Variants in RRBP1 observed in about 807,000 individuals in gnomAD.
The protein encoded by RRBP1 is ribosome-binding protein 1.
In RRBP1, 94 loss-of-function variants were observed where a neutral mutation model predicts 165.2. That is an observed-to-expected ratio of 0.57 (90% CI 0.48 to 0.68). The LOEUF (loss-of-function observed/expected upper bound fraction) is 0.68, where lower values mean the gene tolerates loss of function less well. Among genes scored for constraint, RRBP1 ranks in the 30% least tolerant of loss-of-function variants. The pLI, the probability that RRBP1 is intolerant of heterozygous loss-of-function variation, is 0.00. For missense variants in RRBP1, 1,676 were observed against 1,763.0 expected (o/e 0.95, Z 0.88); for synonymous variants, 680 against 714.5 (o/e 0.95, Z 0.77).
chr20:17,625,137 G>T (rs1056564769), intron 12 of RRBP1, among the ~76,000 whole-genome samples: 5 of 152,104 alleles, frequency 3.3e-5, no homozygotes, highest in African/African-American at 1.2e-4. Context: ...GGGTGTGGCC[G>T]AGGCCACACC....
chr20:17,663,167 A>G (rs1421146889), intron 2 of RRBP1, among the ~76,000 whole-genome samples: 1 of 152,134 alleles, frequency 6.6e-6, no homozygotes, highest in Non-Finnish European at 1.5e-5. Context: ...CGCGATTGGC[A>G]CTGGTTGCAG....
In RRBP1 at chr20:17,621,581, A is replaced by G. The variant is rs1372760710; in HGVS notation, c.3325-34T>C. 3.8e-6 allele frequency: 6 copies of G among 1,597,138 alleles called. No individual in the cohort carries two copies. In the South Asian group the frequency reaches 6.6e-5, roughly 18 times the overall value. On this transcript the variant is annotated intron_variant, in intron 15 of 24. Transcript: ENST00000377813. ...GGGAAGAACAGGTGTTTAGTTAGCC[A>G]CACACAAAGGTTCTTCTCTTGGCTT...
intron 5 of RRBP1, among the ~76,000 whole-genome samples, chr20:17,637,594 G>A (rs1277986139): frequency 1.3e-5 from 2 of 152,320 alleles, no homozygotes; most frequent in East Asian, 1.9e-4. Context: ...CAGTGGGCCA[G>A]GAGTGAGGAA....
intron 3 of RRBP1, among the ~76,000 whole-genome samples, chr20:17,650,629 A>C (rs2036538377): frequency 6.6e-6 from 1 of 152,358 alleles, no homozygotes; most frequent in Non-Finnish European, 1.5e-5. Context: ...TCCAACCAGC[A>C]GCAACAATGA....
chr20:17,616,239 G>T (rs2035797526), intron 21 of RRBP1, among the ~76,000 whole-genome samples: 1 of 152,094 alleles, frequency 6.6e-6, no homozygotes, highest in Non-Finnish European at 1.5e-5. Context: ...AGACTCACAG[G>T]ACAAGAACGA....
intron 1 of RRBP1, among the ~76,000 whole-genome samples, chr20:17,681,083 C>A (rs1194940141): frequency 1.3e-5 from 2 of 151,752 alleles, no homozygotes; most frequent in African/African-American, 4.8e-5. Context: ...CAGGGCGCAG[C>A]GGGAGAGCCG....
intron 11 of RRBP1, among the ~76,000 whole-genome samples, chr20:17,626,068 AT>A (rs1198414923): frequency 2.0e-5 from 3 of 152,210 alleles, no homozygotes; most frequent in African/African-American, 7.2e-5. Context: ...CACTGCCCGA[AT>A]TCTAGAATAT....
In RRBP1 at chr20:17,658,744, T is replaced by G; in HGVS notation, c.1764A>C (p.Lys588Asn). The part of the protein sequence containing the change: ...KKAEGSPNQG[K>N]KADAAANQGK... ...CCTGATTGGCAGCTGCGTCTGCCTT[T>G]TTGCCTTGGTTGGGGGACCCTTCTG... The change falls in exon 3 of 25, where the codon AAA becomes AAC. Residue 588 changes from lysine to asparagine, a missense_variant. Physicochemically the swap from Lys to Asn is moderately conservative, Grantham distance 94. Coordinates refer to ENST00000377813, the MANE Select transcript of RRBP1 (RefSeq NM_001365613.2). The G allele has an allele frequency of 2.5e-6, 4 of 1,612,846 alleles. No individual in the cohort carries two copies. The highest frequency in any genetic ancestry group is 3.4e-6 in the Non-Finnish European group (4 of 1,178,794).
intron 2 of RRBP1, among the ~76,000 whole-genome samples, chr20:17,666,323 T>C (rs1159646725): frequency 1.3e-4 from 19 of 150,606 alleles, no homozygotes; most frequent in Admixed American, 1.3e-3. Flanking sequence ...CTGAGCATCA[T>C]AGCAAGACCC....
rs563540714 is a variant in RRBP1 at position 17,635,510 on chromosome 20, C to T, written c.2456+36G>A. On this transcript the variant is annotated intron_variant, in intron 7 of 24. Transcript: ENST00000377813. Reference sequence around the variant, plus strand: ...GTGAAGCCTTCCTCGCTCCAGGGCCCTTGGGGAGGTGCTGAGGCAGGAAAG... The same window carrying T: ...GTGAAGCCTTCCTCGCTCCAGGGCCTTTGGGGAGGTGCTGAGGCAGGAAAG... 12 of 1,511,776 alleles carry T rather than the reference C, an allele frequency of 7.9e-6. No homozygotes were observed. The African/African-American group carries it at 1.1e-4, about 14-fold the overall frequency. The allele number at this position is 1,511,776 out of a possible 1,614,324, so 93.6% of individuals were successfully genotyped here. A position where few individuals can be genotyped will look rare whatever the true frequency, so the allele number is the denominator to read the frequency against.
intron 2 of RRBP1, among the ~76,000 whole-genome samples, chr20:17,677,088 C>T (rs1266934525): frequency 3.3e-5 from 5 of 151,412 alleles, no homozygotes; most frequent in Non-Finnish European, 7.4e-5. Context: ...AAAAAAATTC[C>T]ACTTTTAAAA....
intron 2 of RRBP1, among the ~76,000 whole-genome samples, chr20:17,661,539 C>A (rs565741258): frequency 6.6e-6 from 1 of 152,350 alleles, no homozygotes; most frequent in Non-Finnish European, 1.5e-5. Flanking sequence ...CATACACCTT[C>A]CTGCCACAGC....
In RRBP1 at chr20:17,646,486, T is replaced by C. The variant is rs563773943; in HGVS notation, c.1913-3359A>G. Reference sequence around the variant, plus strand: ...CTTCCCACCTTTGTCCTTGGACAAGTGGCTTAACCTTCCTTTGCTTCTGTT... The same window carrying C: ...CTTCCCACCTTTGTCCTTGGACAAGCGGCTTAACCTTCCTTTGCTTCTGTT... On this transcript the variant is annotated intron_variant, in intron 3 of 24. Transcript: ENST00000377813. 3.3e-5 allele frequency among the ~76,000 whole-genome samples: 5 copies of C among 152,298 alleles called. 1 individual carries two copies. The highest frequency in any genetic ancestry group is 4.1e-4 in the South Asian group (2 of 4,826).
rs1323585795 is a variant in RRBP1, at chr20:17,659,899, C to T, written c.609G>A (p.Glu203=). Reference sequence around the variant, plus strand: ...CCTTTTTGCTTTGATTCTGAGTCCCCTCCGCCTTTTTGCCCTGAGTAGTGC... The same window carrying T: ...CCTTTTTGCTTTGATTCTGAGTCCCTTCCGCCTTTTTGCCCTGAGTAGTGC... The part of the protein sequence containing the change: ...ATGTTQGKKA[E]GTQNQSKKAE... Residue 203 remains glutamate, a synonymous_variant, in exon 3 of 25, where the codon GAG becomes GAA. Coordinates refer to ENST00000377813, the MANE Select transcript of RRBP1 (RefSeq NM_001365613.2). 1.3e-5 allele frequency: 21 copies of T among 1,556,380 alleles called. No homozygotes were observed. The highest frequency in any genetic ancestry group is 1.7e-5 in the Non-Finnish European group (19 of 1,149,122).
At chr20:17,641,222 T>C (rs1229882028) in intron 5 of RRBP1, among the ~76,000 whole-genome samples, 1 of 152,208 alleles carries the variant, frequency 6.6e-6, no homozygotes, top group African/African-American at 2.4e-5. Context: ...AGCCCCGTCC[T>C]ATGGCAGCAC....
rs768387076 is a variant in RRBP1 at position 17,641,830 on chromosome 20, A to T, written c.2151T>A (p.Ala717=). ...KLLATEQEDA[A]VAKSKLRELN... Reference sequence around the variant, plus strand: ...GCTCCCTCAGTTTGCTCTTGGCGACAGCCGCATCTTCCTGTTCTGTGGCCA... The same window carrying T: ...GCTCCCTCAGTTTGCTCTTGGCGACTGCCGCATCTTCCTGTTCTGTGGCCA... The change falls in exon 5 of 25, where the codon GCT becomes GCA. Residue 717 remains alanine (A), a synonymous_variant. Coordinates refer to ENST00000377813, the MANE Select transcript of RRBP1 (RefSeq NM_001365613.2). 2 of 1,613,762 alleles carry T rather than the reference A, an allele frequency of 1.2e-6. No individual in the cohort carries two copies. Among genetic ancestry groups the T allele is most frequent in the East Asian group, 4.5e-5 (2 of 44,884 alleles).
rs1309839664 is a variant in RRBP1, at chr20:17,643,602, C to CA, written c.1913-476dup. Among the ~76,000 whole-genome samples the CA allele has an allele frequency of 1.3e-5, 2 of 152,138 alleles. No homozygotes were observed. Among genetic ancestry groups the CA allele is most frequent in the African/African-American group, 4.8e-5 (2 of 41,424 alleles). On this transcript the variant is annotated intron_variant, in intron 3 of 24. Coordinates refer to ENST00000377813, the MANE Select transcript of RRBP1 (RefSeq NM_001365613.2). This position sits in a 1 kb window ranked among gnomAD's most constrained non-coding sequence, Gnocchi z 4.3. Reference sequence around the variant, plus strand: ...CAGCGAATTTACCGTCCACCACACACAGACACCCAGAGCCACACTCCTGCA... The same window carrying CA: ...CAGCGAATTTACCGTCCACCACACACAAGACACCCAGAGCCACACTCCTGCA...
intron 16 of RRBP1, 45 bp from the exon 17 acceptor site, chr20:17,620,852 C>A (rs1251679100): frequency 1.4e-6 from 2 of 1,407,880 alleles, no homozygotes; most frequent in East Asian, 2.3e-5. Context: ...CCTCCCGAGA[C>A]CCGCACCACA....
rs1433987440 is a variant in RRBP1 at position 17,621,504 on chromosome 20, G to A, written c.3368C>T (p.Thr1123Ile). The A allele has an allele frequency of 1.9e-6, 3 of 1,612,928 alleles. No homozygotes were observed. Among genetic ancestry groups the A allele is most frequent in the Non-Finnish European group, 2.5e-6 (3 of 1,179,978 alleles). The stretch of plus-strand genomic sequence containing the variant: ...GTACTGGTCACACTCGGCCTGCAGT[G>A]TGCTCTGCGTCTCCTCGGCCTCCCT... ...KLREAEETQS[T>I]LQAECDQYRS... Residue 1123 changes from threonine (T) to isoleucine (I), a missense_variant, in exon 16 of 25, where the codon ACA becomes ATA. Coordinates refer to ENST00000377813, the MANE Select transcript of RRBP1 (RefSeq NM_001365613.2).
Sources: allele counts gnomAD v4.1 joint callset (sites outside exome capture counted in the v4.1 genomes callset), GRCh38; gene constraint gnomAD v4.1.1; non-coding constraint Gnocchi (gnomAD v3.1); transcripts MANE v1.5; gene names NCBI Gene and HGNC (gene_info 2026-07-23, HGNC 2026-07-21).